TMEM50B: variants seen among roughly 807,000 people sequenced by gnomAD.
The protein encoded by TMEM50B is transmembrane protein 50B.
TMEM50B carries 14 observed loss-of-function variants against 23.4 expected under a neutral mutation model. That is an observed-to-expected ratio of 0.60 (90% CI 0.39 to 0.93). The LOEUF (loss-of-function observed/expected upper bound fraction) is 0.93. Among genes scored for constraint, TMEM50B ranks in the 40% least tolerant of loss-of-function variants. The pLI is 0.00. For synonymous variants in TMEM50B, 64 were observed against 62.3 expected (o/e 1.03, Z -0.13); for missense variants, 159 against 193.0 (o/e 0.82, Z 1.04).
At chr21:33,472,155 G>C (rs559538528) in intron 1 of TMEM50B, among the ~76,000 whole-genome samples, 15 of 148,500 alleles carry the variant, frequency 1.0e-4, no homozygotes, top group Non-Finnish European at 1.8e-4. Flanking sequence ...AGGCCAAGGC[G>C]GGGGGATCAC....
In TMEM50B at chr21:33,434,809, C is replaced by T. The variant is rs17885472; in HGVS notation, c.*2121-2007G>A. 1.9e-3 allele frequency among the ~76,000 whole-genome samples: 287 copies of T among 152,282 alleles called. 3 individuals are homozygous for T. Among genetic ancestry groups the T allele is most frequent in the Non-Finnish European group, 2.5e-3 (172 of 68,034 alleles). On this transcript the variant is annotated intron_variant and NMD_transcript_variant, in intron 8 of 8. Coordinates refer to the TMEM50B transcript ENST00000420455. ...CACAAAATCACAGCTCCTAACAGGT[C>T]TCAGAATCTTACTTGCAGTAATAAT...
chr21:33,450,605 T>C lies in TMEM50B; in HGVS notation c.*213A>G, dbSNP rs2084110420. 1 of 422,760 alleles carries C rather than the reference T, an allele frequency of 2.4e-6. No individual in the cohort carries two copies. The highest frequency in any genetic ancestry group is 8.1e-5 in the South Asian group (1 of 12,312). 26.2% of individuals were successfully genotyped at this position (422,760 alleles called of 1,614,324 possible). A position where few individuals can be genotyped will look rare whatever the true frequency, so the allele number is the denominator to read the frequency against. ...TAAAAAACTGATACTCATTATCCAA[T>C]TCATATAGTCTTGTATTATATACAT... On this transcript the variant is annotated 3_prime_UTR_variant, in exon 7 of 7. Transcript: ENST00000542230.
At chr21:33,443,021 T>A (rs1039784295) in intron 7 of TMEM50B, among the ~76,000 whole-genome samples, 2 of 152,194 alleles carry the variant, frequency 1.3e-5, no homozygotes, top group African/African-American at 4.8e-5. Context: ...GTATAATAAC[T>A]GTAAATATTA....
chr21:33,443,130 G>A (rs1568970982), intron 7 of TMEM50B, among the ~76,000 whole-genome samples: 1 of 152,124 alleles, frequency 6.6e-6, no homozygotes, highest in South Asian at 2.1e-4. Context: ...GCCTAAGAGA[G>A]GGTCAAACCC....
intron 8 of TMEM50B, among the ~76,000 whole-genome samples, chr21:33,439,022 C>T (rs973935633): frequency 1.3e-5 from 2 of 152,062 alleles, no homozygotes; most frequent in African/African-American, 4.8e-5. Flanking sequence ...GCCACCGTGT[C>T]CGGCAAAAGT....
intron 6 of TMEM50B, among the ~76,000 whole-genome samples, chr21:33,453,872 G>T (rs1246977960): frequency 6.6e-6 from 1 of 152,110 alleles, no homozygotes. Flanking sequence ...GGGAGGCTGA[G>T]GTGGGCAGAT....
At chr21:33,463,635 G>A (rs2084236960) in intron 4 of TMEM50B, among the ~76,000 whole-genome samples, 2 of 152,076 alleles carry the variant, frequency 1.3e-5, no homozygotes, top group South Asian at 2.1e-4. Context: ...CTGGCCAGGC[G>A]TGGTGGCTCA....
At chr21:33,443,078 T>C (rs1462387434) in intron 7 of TMEM50B, among the ~76,000 whole-genome samples, 1 of 152,206 alleles carries the variant, frequency 6.6e-6, no homozygotes, top group Non-Finnish European at 1.5e-5. Context: ...AAATATCTGA[T>C]CTATTCTCTG....
chr21:33,463,953 AT>A (rs2123441180), intron 4 of TMEM50B, among the ~76,000 whole-genome samples: 1 of 152,288 alleles, frequency 6.6e-6, no homozygotes, highest in African/African-American at 2.4e-5. Context: ...ACATTAGTGA[AT>A]TTTATTATAC....
In TMEM50B at chr21:33,468,852, C is replaced by T; in HGVS notation, c.34G>A (p.Glu12Lys). 1 of 1,613,938 alleles carries T rather than the reference C, an allele frequency of 6.2e-7. No individual in the cohort carries two copies. The highest frequency in any genetic ancestry group is 8.5e-7 in the Non-Finnish European group (1 of 1,179,984). The part of the protein sequence containing the change: ...AGFLDNFRWP[E>K]CECIDWSERR... The stretch of plus-strand genomic sequence containing the variant: ...TCACTCCAGTCAATACATTCACATT[C>T]TGGCCAACGAAAATTATCTAGGAAG... The change falls in exon 2 of 7, where the codon GAA becomes AAA. Residue 12 changes from glutamate to lysine, a missense_variant. Glu to Lys is a moderately conservative substitution (Grantham distance 56). Transcript: ENST00000542230.
At chr21:33,437,753 G>A (rs948625218) in intron 8 of TMEM50B, among the ~76,000 whole-genome samples, 21 of 151,976 alleles carry the variant, frequency 1.4e-4, no homozygotes, top group Non-Finnish European at 2.8e-4. Context: ...GGAGGCTGAG[G>A]TGGGTGGATC....
At chr21:33,451,405 A>G (rs1038391219) in intron 6 of TMEM50B, among the ~76,000 whole-genome samples, 1 of 152,224 alleles carries the variant, frequency 6.6e-6, no homozygotes. Flanking sequence ...AGGGTCTAAT[A>G]AGGAGACAAT....
At chr21:33,478,692 T>A (rs2123470210) in intron 1 of TMEM50B, 1 of 455,300 alleles carries the variant, frequency 2.2e-6, no homozygotes, top group African/African-American at 2.0e-5. Flanking sequence ...GCGCGATAAA[T>A]ATTCAAGATA....
At chr21:33,436,698 G>A in intron 8 of TMEM50B, 1 of 699,014 alleles carries the variant, frequency 1.4e-6, no homozygotes, top group East Asian at 2.9e-5. Context: ...CTCCAGCCTA[G>A]GCAAGAGTAA....
chr21:33,437,258 C>G, intron 8 of TMEM50B: 1 of 361,842 alleles, frequency 2.8e-6, no homozygotes, highest in Non-Finnish European at 5.2e-6. Context: ...ATGGATATGA[C>G]ACATCTCTGA....
intron 1 of TMEM50B, chr21:33,469,751 A>G (rs944917720): frequency 2.0e-5 from 3 of 152,218 alleles, no homozygotes; most frequent in Admixed American, 6.6e-5. Flanking sequence ...AACAGCTAGT[A>G]TTAACTGCCA....
At position 33,453,114 on chromosome 21, in the gene TMEM50B, T is replaced by A. The variant is rs1347762524; in HGVS notation, c.432-2251A>T. ...TTTATTTATTTATGTATTTATTTATTTTGAGATGAAGTCTCGCTCTGTTGC... is the reference window on the plus strand; with the variant it reads ...TTTATTTATTTATGTATTTATTTATATTGAGATGAAGTCTCGCTCTGTTGC... On this transcript the variant is annotated intron_variant, in intron 6 of 6. Coordinates refer to ENST00000542230, the MANE Select transcript of TMEM50B (RefSeq NM_006134.7). Among the ~76,000 whole-genome samples, 4 of 152,214 alleles carry A rather than the reference T, an allele frequency of 2.6e-5. No homozygotes were observed. The South Asian group carries it at 8.3e-4, about 31-fold the overall frequency.
At chr21:33,460,581 A>G (rs2084208691) in intron 4 of TMEM50B, 76 bp from the exon 5 acceptor site, 2 of 747,404 alleles carry the variant, frequency 2.7e-6, no homozygotes, top group East Asian at 2.5e-5. Context: ...TAATACTAGG[A>G]GCCCTGTTAG....
chr21:33,460,645 G>T (rs908528619), intron 4 of TMEM50B, 140 bp from the exon 5 acceptor site: 2 of 404,464 alleles, frequency 4.9e-6, no homozygotes, highest in Non-Finnish European at 8.9e-6. Context: ...TAAATCTGCT[G>T]TAAGTTAAAT....
Sources: gnomAD v4.1 joint callset for allele counts (sites outside exome capture counted in the v4.1 genomes callset) on GRCh38, gnomAD v4.1.1 for gene constraint, MANE v1.5 for transcripts, NCBI Gene and HGNC (gene_info 2026-07-23, HGNC 2026-07-21) for gene names.